ARHGEF7: variants seen among roughly 807,000 people sequenced by gnomAD.
ARHGEF7 encodes PAK-interacting exchange factor beta.
ARHGEF7 carries 33 observed loss-of-function variants against 109.8 expected under a neutral mutation model. The observed-to-expected ratio is 0.30, with a 90% CI of 0.23 to 0.40. ARHGEF7 has a LOEUF of 0.40. Among genes scored for constraint, ARHGEF7 ranks in the 10% least tolerant of loss-of-function variants. The probability of loss-of-function intolerance (pLI) is 1.00; values close to 1 mark genes in which losing one functional copy is unlikely to be tolerated. For synonymous variants in ARHGEF7, 458 were observed against 424.6 expected (o/e 1.08, Z -0.97); for missense variants, 938 against 1,098.5 (o/e 0.85, Z 2.07).
At position 111,300,741 on chromosome 13, in the gene ARHGEF7, A is replaced by G. The variant is rs2093546617; in HGVS notation, c.2312-7A>G. The G allele has an allele frequency of 1.3e-6, 2 of 1,592,948 alleles. No individual in the cohort carries two copies. The highest frequency in any genetic ancestry group is 1.7e-6 in the Non-Finnish European group (2 of 1,167,098). On this transcript the variant is annotated splice_polypyrimidine_tract_variant and splice_region_variant and intron_variant, in intron 19 of 21. Coordinates refer to ENST00000646102, the MANE Select transcript of ARHGEF7 (RefSeq NM_001354046.2). ...GAGGTTTATTTATTATTTTTTCATG[A>G]TCCTAGGTTCACGCAAAGAATCTGC...
Position 111,194,621 on chromosome 13 carries a change from A to G in ARHGEF7, c.253-10668A>G, listed in dbSNP as rs149373404. Among the ~76,000 whole-genome samples the G allele has an allele frequency of 4.3e-3, 652 of 152,314 alleles. 3 individuals are homozygous for G. The highest frequency in any genetic ancestry group is 7.4e-3 in the Non-Finnish European group (506 of 68,026). Reference sequence around the variant, plus strand: ...CTTGATCAGCTAGAAAGTTCAGGAGATCTAGAGTAGCCCACTGACATGAGG... The same window carrying G: ...CTTGATCAGCTAGAAAGTTCAGGAGGTCTAGAGTAGCCCACTGACATGAGG... On this transcript the variant is annotated intron_variant, in intron 2 of 21. Transcript: ENST00000646102.
chr13:111,253,745 C>A (rs1435581907), intron 8 of ARHGEF7, among the ~76,000 whole-genome samples: 1 of 152,186 alleles, frequency 6.6e-6, no homozygotes, highest in African/African-American at 2.4e-5. Flanking sequence ...TTTCACCATT[C>A]CTGCTTGAGT....
intron 1 of ARHGEF7, among the ~76,000 whole-genome samples, chr13:111,152,139 A>T (rs1227819622): frequency 2.6e-5 from 4 of 152,080 alleles, no homozygotes; most frequent in African/African-American, 4.8e-5. Context: ...CTATATGAGG[A>T]TACAACTTTT....
At chr13:111,173,119 C>T (rs1238515155) in intron 2 of ARHGEF7, among the ~76,000 whole-genome samples, 1 of 152,162 alleles carries the variant, frequency 6.6e-6, no homozygotes, top group African/African-American at 2.4e-5. Flanking sequence ...CATTTGCTCA[C>T]TCTCAACCCA....
chr13:111,265,754 G>A (rs2091572952), intron 8 of ARHGEF7: 2 of 455,200 alleles, frequency 4.4e-6, no homozygotes, highest in Non-Finnish European at 8.8e-6. Flanking sequence ...CAGCCCTCAT[G>A]AATAGGATCA....
At chr13:111,249,717 T>C (rs1036401534) in intron 8 of ARHGEF7, among the ~76,000 whole-genome samples, 3 of 152,114 alleles carry the variant, frequency 2.0e-5, no homozygotes, top group African/African-American at 4.8e-5. Flanking sequence ...GGGGGACATA[T>C]GTTCTGATAG....
chr13:111,271,350 G>A (rs2092130747), intron 9 of ARHGEF7, among the ~76,000 whole-genome samples: 1 of 152,184 alleles, frequency 6.6e-6, no homozygotes, highest in South Asian at 2.1e-4. Context: ...TCTTCCCGGG[G>A]AAGGTGGATG....
At chr13:111,286,066 C>A in intron 16 of ARHGEF7, 81 bp from the exon 17 acceptor site, 1 of 1,144,342 alleles carries the variant, frequency 8.7e-7, no homozygotes, top group Non-Finnish European at 1.3e-6. Flanking sequence ...GGGTTTTATA[C>A]CTTTACAGCA....
At chr13:111,233,139 T>C in intron 5 of ARHGEF7, 66 bp from the exon 6 acceptor site, 1 of 1,351,842 alleles carries the variant, frequency 7.4e-7, no homozygotes, top group South Asian at 1.2e-5. Context: ...TTGGCCTGTG[T>C]GAGGGGCTGG....
chr13:111,215,273 G>A (rs1357307464), intron 4 of ARHGEF7, among the ~76,000 whole-genome samples: 2 of 152,150 alleles, frequency 1.3e-5, no homozygotes, highest in Non-Finnish European at 2.9e-5. Context: ...GTCCTGCGGG[G>A]CTGAGGGGGC....
At chr13:111,264,426 G>A (rs1255077011) in intron 8 of ARHGEF7, among the ~76,000 whole-genome samples, 1 of 152,140 alleles carries the variant, frequency 6.6e-6, no homozygotes, top group Non-Finnish European at 1.5e-5. Context: ...AAGAAGCATG[G>A]TAGAGAAGGC....
chr13:111,132,994 G>C (rs777371274), intron 1 of ARHGEF7, among the ~76,000 whole-genome samples: 4 of 151,772 alleles, frequency 2.6e-5, no homozygotes, highest in Non-Finnish European at 5.9e-5. Context: ...ATATATACAC[G>C]TATATGCATA....
chr13:111,189,521 G>A (rs1473058294), intron 2 of ARHGEF7, among the ~76,000 whole-genome samples: 1 of 152,214 alleles, frequency 6.6e-6, no homozygotes. Flanking sequence ...GACCCTCGTG[G>A]TGAGTGTTAA....
intron 2 of ARHGEF7, among the ~76,000 whole-genome samples, chr13:111,172,176 G>A (rs2153415551): frequency 6.6e-6 from 1 of 152,350 alleles, no homozygotes; most frequent in South Asian, 2.1e-4. Context: ...CAGTAAGGGA[G>A]ATTGTAACAA....
intron 17 of ARHGEF7, among the ~76,000 whole-genome samples, chr13:111,287,453 G>A (rs2093069156): frequency 1.3e-5 from 2 of 152,236 alleles, no homozygotes; most frequent in African/African-American, 2.4e-5. Context: ...GCACCTTCGT[G>A]GGCTGGGTGG....
At chr13:111,178,084 G>T (rs2078345246) in intron 2 of ARHGEF7, among the ~76,000 whole-genome samples, 1 of 152,158 alleles carries the variant, frequency 6.6e-6, no homozygotes. Context: ...GTAAAGCAGG[G>T]TTCTTTGATC....
intron 19 of ARHGEF7, among the ~76,000 whole-genome samples, chr13:111,299,172 A>T (rs1398914483): frequency 6.6e-6 from 1 of 152,148 alleles, no homozygotes; most frequent in African/African-American, 2.4e-5. Context: ...GCACCTGGCC[A>T]GTGAGCTCCA....
intron 1 of ARHGEF7, among the ~76,000 whole-genome samples, chr13:111,129,740 A>G (rs775389750): frequency 5.1e-4 from 77 of 152,344 alleles, no homozygotes; most frequent in South Asian, 6.2e-4. Context: ...GTTAGCGTGT[A>G]TGTGAGGGAA....
rs934499941 is a variant in ARHGEF7 at position 111,239,742 on chromosome 13, C to T, written c.760-4130C>T. ...GAGGTGCCTGCTGGCTTCTTTCACA[C>T]CTGGCTCCCATTGTTTTTCATGGGA... On this transcript the variant is annotated intron_variant, in intron 6 of 21. Transcript: ENST00000646102. The surrounding 1 kb of genome is among the most constrained non-coding windows in gnomAD (Gnocchi z 4.3). Among the ~76,000 whole-genome samples the T allele has an allele frequency of 2.6e-5, 4 of 152,070 alleles. No individual in the cohort carries two copies. Among genetic ancestry groups the T allele is most frequent in the African/African-American group, 4.8e-5 (2 of 41,384 alleles).
Sources: allele counts gnomAD v4.1 joint callset (sites outside exome capture counted in the v4.1 genomes callset), GRCh38; gene constraint gnomAD v4.1.1; non-coding constraint Gnocchi (gnomAD v3.1); transcripts MANE v1.5; gene names NCBI Gene and HGNC (gene_info 2026-07-23, HGNC 2026-07-21).